UGGT2: variants seen among roughly 807,000 people sequenced by gnomAD.
UGGT2 encodes UDP-glucose glycoprotein glucosyltransferase 2, also known as UDP-glucose:glycoprotein glucosyltransferase 2.
Under a neutral mutation model 192.1 loss-of-function variants are expected in UGGT2, and 180 were observed. The observed-to-expected ratio is 0.94, with a 90% CI of 0.83 to 1.06. The LOEUF is 1.06. Ranked by LOEUF, UGGT2 falls within the 50% of genes least tolerant of loss-of-function variation. The pLI is 0.00. For missense variants in UGGT2, 1,849 were observed against 1,795.7 expected (o/e 1.03, Z -0.54); for synonymous variants, 580 against 591.0 (o/e 0.98, Z 0.27).
rs376205017 is a variant in UGGT2 at position 95,895,343 on chromosome 13, G to C, written c.2635-39C>G. Reference sequence around the variant, plus strand: ...CAGTTATATTATCATATATCTTCTAGAAGATATCAGTTTAGGAAAAACATT... The same window carrying C: ...CAGTTATATTATCATATATCTTCTACAAGATATCAGTTTAGGAAAAACATT... On this transcript the variant is annotated intron_variant, in intron 22 of 38. Coordinates refer to ENST00000376747, the MANE Select transcript of UGGT2 (RefSeq NM_020121.4). The C allele has an allele frequency of 6.6e-6, 8 of 1,215,352 alleles. No homozygotes were observed. In the African/African-American group the frequency reaches 9.6e-5, roughly 15 times the overall value. 75.3% of individuals were successfully genotyped at this position (1,215,352 alleles called of 1,614,324 possible). A position where few individuals can be genotyped will look rare whatever the true frequency, so the allele number is the denominator to read the frequency against.
rs903023657 is a variant in UGGT2 at position 95,884,583 on chromosome 13, G to A, written c.3136C>T (p.Pro1046Ser). 3 of 1,613,990 alleles carry A rather than the reference G, an allele frequency of 1.9e-6. No individual in the cohort carries two copies. The highest frequency in any genetic ancestry group is 2.5e-6 in the Non-Finnish European group (3 of 1,179,928). The part of the protein sequence containing the change: ...VAKFLDIPES[P>S]LLILNMITPE... ...GTAATCATGTTGAGGATTAGGAGGGGTGATTCAGGAATATCCAAAAATTTT... is the reference window on the plus strand; with the variant it reads ...GTAATCATGTTGAGGATTAGGAGGGATGATTCAGGAATATCCAAAAATTTT... The change falls in exon 27 of 39, where the codon CCC (proline) becomes TCC (serine). Residue 1046 changes from proline to serine, a missense_variant. Pro to Ser is a moderately conservative substitution (Grantham distance 74). Transcript: ENST00000376747.
At chr13:95,933,225 G>T (rs957949861) in intron 17 of UGGT2, among the ~76,000 whole-genome samples, 3 of 152,154 alleles carry the variant, frequency 2.0e-5, no homozygotes, top group African/African-American at 7.2e-5. Context: ...GCTTTTACTG[G>T]TTGGTAGGTT....
intron 38 of UGGT2, chr13:95,809,560 T>C: frequency 3.2e-6 from 1 of 311,338 alleles, no homozygotes. Context: ...TCTCCTCTCA[T>C]GAGCTACTCC....
chr13:96,006,192 A>G (rs989713248), intron 5 of UGGT2, among the ~76,000 whole-genome samples: 1 of 152,248 alleles, frequency 6.6e-6, no homozygotes, highest in African/African-American at 2.4e-5. Context: ...AGAACATATG[A>G]GTGATCAGAA....
At chr13:95,817,356 A>T (rs1217499152) in intron 38 of UGGT2, among the ~76,000 whole-genome samples, 1 of 152,140 alleles carries the variant, frequency 6.6e-6, no homozygotes, top group Non-Finnish European at 1.5e-5. Context: ...GGGCTAAGGT[A>T]GGCAGATTGC....
At position 95,947,108 on chromosome 13, in the gene UGGT2, C is replaced by G; in HGVS notation, c.1606G>C (p.Ala536Pro). ...EVDGANDAGVALWRAFNYIAE... is the reference protein window; with the variant it reads ...EVDGANDAGVPLWRAFNYIAE... ...ATATAGTTGAAAGCTCGCCAGAGAG[C>G]AACTCCAGCATCATTTGCTCCATCA... is the stretch of plus-strand genomic sequence containing the variant. Residue 536 changes from alanine to proline, a missense_variant, in exon 15 of 39, where the codon GCT becomes CCT. By Grantham distance (27) the Ala-to-Pro change is conservative. Coordinates refer to ENST00000376747, the MANE Select transcript of UGGT2 (RefSeq NM_020121.4). 1 of 1,611,620 alleles carries G rather than the reference C, an allele frequency of 6.2e-7. No individual in the cohort carries two copies. Among genetic ancestry groups the G allele is most frequent in the Non-Finnish European group, 8.5e-7 (1 of 1,179,262 alleles).
intron 10 of UGGT2, among the ~76,000 whole-genome samples, chr13:95,978,065 T>G (rs2050995249): frequency 1.3e-5 from 2 of 151,966 alleles, no homozygotes; most frequent in Non-Finnish European, 2.9e-5. Flanking sequence ...GACAAATACC[T>G]AAAGTATGCA....
At chr13:96,046,851 C>T (rs1206908246) in intron 1 of UGGT2, among the ~76,000 whole-genome samples, 1 of 152,184 alleles carries the variant, frequency 6.6e-6, no homozygotes. Flanking sequence ...AGTCCCATGT[C>T]CACGGAGCCT....
chr13:95,884,296 GA>G (rs1267642116), intron 27 of UGGT2, among the ~76,000 whole-genome samples, 194 bp downstream of exon 27: 1 of 152,226 alleles, frequency 6.6e-6, no homozygotes. Flanking sequence ...TAGGAACTTG[GA>G]AGACTAGAGA....
At chr13:96,028,265 C>T (rs1387582325) in intron 2 of UGGT2, among the ~76,000 whole-genome samples, 1 of 152,186 alleles carries the variant, frequency 6.6e-6, no homozygotes, top group Non-Finnish European at 1.5e-5. Context: ...TTCCAATTAC[C>T]TTCTTCCCCC....
chr13:95,834,980 G>A (rs1887135605), intron 37 of UGGT2, among the ~76,000 whole-genome samples: 1 of 152,056 alleles, frequency 6.6e-6, no homozygotes, highest in African/African-American at 2.4e-5. Flanking sequence ...AAATGTAAGA[G>A]GAATAGGTGA....
At position 95,895,249 on chromosome 13, in the gene UGGT2, T is replaced by C; in HGVS notation, c.2690A>G (p.Lys897Arg). Residue 897 changes from lysine (K) to arginine (R), a missense_variant, in exon 23 of 39, where the codon AAG (lysine) becomes AGG (arginine). Transcript: ENST00000376747. ...CTCTCCTAAATTACTAAATGTTATC[T>C]TTTCCAACAAGTAAAAATCTTCTGC... ...FYAEDFYLLE[K>R]ITFSNLGEKI... is the part of the protein sequence containing the mutation. The C allele has an allele frequency of 6.4e-7, 1 of 1,566,430 alleles. No homozygotes were observed. Among genetic ancestry groups the C allele is most frequent in the Non-Finnish European group, 8.6e-7 (1 of 1,156,610 alleles).
At position 95,939,476 on chromosome 13, in the gene UGGT2, C is replaced by CTT. The variant is rs35091779; in HGVS notation, c.1812+479_1812+480dup. 2.7e-3 allele frequency among the ~76,000 whole-genome samples: 290 copies of CTT among 109,106 alleles called. 2 individuals carry two copies. Among genetic ancestry groups the CTT allele is most frequent in the Admixed American group, 3.9e-3 (42 of 10,640 alleles). 71.6% of individuals were successfully genotyped at this position (109,106 alleles called of 152,430 possible). A position where few individuals can be genotyped will look rare whatever the true frequency, so the allele number is the denominator to read the frequency against. Reference sequence around the variant, plus strand: ...TCTGAAAATTTCTTTGAGTTGTTGCCTTTTTTTTTTTTTTTTTTGGCTCTT... The same window carrying CTT: ...TCTGAAAATTTCTTTGAGTTGTTGCCTTTTTTTTTTTTTTTTTTTTGGCTCTT... On this transcript the variant is annotated intron_variant, in intron 16 of 38. Transcript: ENST00000376747.
At chr13:95,823,914 T>C (rs769796214) in intron 38 of UGGT2, among the ~76,000 whole-genome samples, 5 of 152,130 alleles carry the variant, frequency 3.3e-5, no homozygotes, top group Non-Finnish European at 5.9e-5. Context: ...GTTGAACTTT[T>C]GTTTCAGGAT....
intron 20 of UGGT2, among the ~76,000 whole-genome samples, chr13:95,911,168 A>T (rs1280563543): frequency 6.6e-6 from 1 of 152,212 alleles, no homozygotes; most frequent in Non-Finnish European, 1.5e-5. Context: ...TAACATCACA[A>T]CTGAAAGAAC....
chr13:96,028,095 T>G (rs906297608), intron 2 of UGGT2, among the ~76,000 whole-genome samples: 1 of 152,224 alleles, frequency 6.6e-6, no homozygotes, highest in Non-Finnish European at 1.5e-5. Flanking sequence ...TTCTGTGCCT[T>G]CTCCCTACAA....
chr13:95,935,357 G>A (rs562518560), intron 17 of UGGT2, among the ~76,000 whole-genome samples: 5 of 152,262 alleles, frequency 3.3e-5, no homozygotes, highest in East Asian at 3.9e-4. Context: ...TGTAAGGCCC[G>A]TTTAGTGCTA....
chr13:95,982,254 C>T (rs900954097), intron 10 of UGGT2, among the ~76,000 whole-genome samples: 9 of 152,174 alleles, frequency 5.9e-5, no homozygotes, highest in African/African-American at 2.2e-4. Context: ...GCCCCCAAAT[C>T]ATTTTATTTT....
intron 4 of UGGT2, among the ~76,000 whole-genome samples, chr13:96,014,519 A>C (rs2052266408): frequency 6.6e-6 from 1 of 152,210 alleles, no homozygotes; most frequent in Non-Finnish European, 1.5e-5. Flanking sequence ...TTTGGCTTAG[A>C]ATTTGTGCCA....
Sources: gnomAD v4.1 joint callset for allele counts (sites outside exome capture counted in the v4.1 genomes callset) on GRCh38, gnomAD v4.1.1 for gene constraint, MANE v1.5 for transcripts, NCBI Gene and HGNC (gene_info 2026-07-23, HGNC 2026-07-21) for gene names.